SLC9C1: variants seen among roughly 807,000 people sequenced by gnomAD.
The protein encoded by SLC9C1 is sodium/hydrogen exchanger 10.
SLC9C1 carries 97 observed loss-of-function variants against 140.9 expected under a neutral mutation model. The observed-to-expected ratio is 0.69, with a 90% CI of 0.58 to 0.82. The LOEUF (loss-of-function observed/expected upper bound fraction) is 0.82, where lower values mean the gene tolerates loss of function less well. SLC9C1 is among the 40% of genes least tolerant of loss of function. SLC9C1 has a pLI of 0.00. For missense variants in SLC9C1, 1,340 were observed against 1,389.3 expected (o/e 0.96, Z 0.56); for synonymous variants, 440 against 442.6 (o/e 0.99, Z 0.07).
At chr3:112,289,257 GGGAAAC>G (rs1323226825) in intron 1 of SLC9C1, among the ~76,000 whole-genome samples, 2 of 152,168 alleles carry the variant, frequency 1.3e-5, no homozygotes, top group Non-Finnish European at 1.5e-5. Flanking sequence ...GACTCACCAT[GGGAAAC>G]CATGGGGTAT....
Position 112,204,299 on chromosome 3 carries a change from GGT to G in SLC9C1, c.2089_2090del (p.Thr697HisfsTer2). 1 of 1,562,476 alleles carries G rather than the reference GGT, an allele frequency of 6.4e-7. No individual in the cohort carries two copies. Among genetic ancestry groups the G allele is most frequent in the Non-Finnish European group, 8.6e-7 (1 of 1,161,680 alleles). ...ILHVILIEIDTIKYIFNETEV... is the reference protein window; with the variant it reads ...ILHVILIEIDXIKYIFNETEV... ...CAGTCTCATTAAAAATATACTTAAT[GGT>G]GTCTATTTCAATAAGTATTACATGT... On this transcript the variant is annotated frameshift_variant, in exon 17 of 29. Coordinates refer to ENST00000305815, the MANE Select transcript of SLC9C1 (RefSeq NM_183061.3). LOFTEE classifies it high-confidence loss of function.
intron 26 of SLC9C1, among the ~76,000 whole-genome samples, chr3:112,164,163 T>C (rs2075392964): frequency 6.6e-6 from 1 of 151,892 alleles, no homozygotes; most frequent in South Asian, 2.1e-4. Flanking sequence ...AGCCTATGTG[T>C]GTCTCTGCAC....
At chr3:112,221,270 T>C in intron 13 of SLC9C1, 45 bp from the exon 14 acceptor site, 1 of 1,495,844 alleles carries the variant, frequency 6.7e-7, no homozygotes, top group Non-Finnish European at 9.3e-7. Context: ...TGAATAACGA[T>C]GACAACTTAT....
chr3:112,157,238 G>A (rs1292214054), intron 26 of SLC9C1, among the ~76,000 whole-genome samples: 1 of 151,934 alleles, frequency 6.6e-6, no homozygotes, highest in African/African-American at 2.4e-5. Flanking sequence ...TCTGCATATG[G>A]ATGTCCAGTT....
At chr3:112,285,772 A>T (rs114286043) in intron 2 of SLC9C1, among the ~76,000 whole-genome samples, 2,310 of 151,538 alleles carry the variant, frequency 0.015, 73 homozygotes, top group African/African-American at 0.053. Flanking sequence ...TTTACTTTTT[A>T]TTTTTTTTCT....
At chr3:112,273,077 G>A (rs2080119084) in intron 6 of SLC9C1, among the ~76,000 whole-genome samples, 1 of 152,058 alleles carries the variant, frequency 6.6e-6, no homozygotes, top group Non-Finnish European at 1.5e-5. Context: ...AGGTTTAGTA[G>A]GTGAACACGG....
chr3:112,230,324 T>C (rs2078787584), intron 13 of SLC9C1, among the ~76,000 whole-genome samples: 1 of 152,264 alleles, frequency 6.6e-6, no homozygotes, highest in Admixed American at 6.6e-5. Flanking sequence ...AGCTTGTCCA[T>C]TTACATTACA....
chr3:112,242,291 T>C (rs2079157579), intron 11 of SLC9C1, among the ~76,000 whole-genome samples: 1 of 152,052 alleles, frequency 6.6e-6, no homozygotes, highest in African/African-American at 2.4e-5. Flanking sequence ...TAAGTGTCCA[T>C]CAACAGATGA....
intron 15 of SLC9C1, among the ~76,000 whole-genome samples, chr3:112,209,937 A>T (rs2078156774): frequency 6.6e-6 from 1 of 152,222 alleles, no homozygotes; most frequent in Non-Finnish European, 1.5e-5. Context: ...ATTAAATCCT[A>T]TAAAAATCTT....
intron 10 of SLC9C1, among the ~76,000 whole-genome samples, chr3:112,257,393 C>T (rs1392185421): frequency 2.6e-5 from 4 of 152,064 alleles, no homozygotes; most frequent in African/African-American, 7.2e-5. Flanking sequence ...AGAAATAAGG[C>T]TGCACACCTA....
intron 27 of SLC9C1, among the ~76,000 whole-genome samples, chr3:112,153,131 G>T (rs890076840): frequency 6.6e-6 from 1 of 152,116 alleles, no homozygotes; most frequent in African/African-American, 2.4e-5. Flanking sequence ...GGGAGAAGAA[G>T]CATCTACTAA....
chr3:112,245,541 T>C (rs1316975718), intron 10 of SLC9C1, among the ~76,000 whole-genome samples: 3 of 152,028 alleles, frequency 2.0e-5, no homozygotes, highest in East Asian at 3.8e-4. Context: ...TCACCATATA[T>C]GTGAGTCTTT....
chr3:112,292,421 C>A (rs940910613), intron 1 of SLC9C1, among the ~76,000 whole-genome samples: 3 of 152,198 alleles, frequency 2.0e-5, no homozygotes, highest in Admixed American at 6.5e-5. Flanking sequence ...ACTCCAAAAT[C>A]TCATAAGAAA....
chr3:112,142,292 A>T (rs997201215), intron 28 of SLC9C1, among the ~76,000 whole-genome samples: 2 of 152,172 alleles, frequency 1.3e-5, no homozygotes, highest in East Asian at 1.9e-4. Context: ...AATTTTTTTT[A>T]AATTCTGCAT....
In SLC9C1 at chr3:112,236,547, T is replaced by C. The variant is rs139953307; in HGVS notation, c.1446+3293A>G. Reference sequence around the variant, plus strand: ...GTTTGCTTTTGCTTCTCTAGTTCTTTTCATTGTGATGTTAGGGTGTCAATT... The same window carrying C: ...GTTTGCTTTTGCTTCTCTAGTTCTTCTCATTGTGATGTTAGGGTGTCAATT... On this transcript the variant is annotated intron_variant, in intron 12 of 28. Transcript: ENST00000305815. Among the ~76,000 whole-genome samples the C allele has an allele frequency of 7.2e-5, 11 of 152,078 alleles. No individual in the cohort carries two copies. In the East Asian group the frequency reaches 2.1e-3, roughly 29 times the overall value.
At chr3:112,231,553 C>A in intron 12 of SLC9C1, 67 bp from the exon 13 acceptor site, 1 of 1,476,116 alleles carries the variant, frequency 6.8e-7, no homozygotes, top group Non-Finnish European at 9.1e-7. Flanking sequence ...GCAAAATCCA[C>A]AAGCAATTTT....
chr3:112,255,643 A>T (rs190014102), intron 10 of SLC9C1, among the ~76,000 whole-genome samples: 1 of 152,232 alleles, frequency 6.6e-6, no homozygotes, highest in East Asian at 1.9e-4. Context: ...ATCTCAAGTT[A>T]ACAACCTAAA....
At chr3:112,148,001 G>A (rs1156775375) in intron 28 of SLC9C1, among the ~76,000 whole-genome samples, 1 of 152,148 alleles carries the variant, frequency 6.6e-6, no homozygotes, top group African/African-American at 2.4e-5. Context: ...GACAGGGTTA[G>A]TTCAAAAGAG....
chr3:112,279,458 A>G (rs1245325769), intron 3 of SLC9C1, among the ~76,000 whole-genome samples: 1 of 152,224 alleles, frequency 6.6e-6, no homozygotes, highest in Non-Finnish European at 1.5e-5. Context: ...AAGTACATTG[A>G]CATGGGTACT....
Sources: gnomAD v4.1 joint callset for allele counts (sites outside exome capture counted in the v4.1 genomes callset) on GRCh38, gnomAD v4.1.1 for gene constraint, MANE v1.5 for transcripts, NCBI Gene and HGNC (gene_info 2026-07-23, HGNC 2026-07-21) for gene names.